The following CNTN3 variants were observed in gnomAD, a reference collection of about 807,000 sequenced individuals.
CNTN3 encodes the protein contactin-3.
Under a neutral mutation model 119.1 loss-of-function variants are expected in CNTN3, and 60 were observed. The observed-to-expected ratio is 0.50, with a 90% CI of 0.41 to 0.62. CNTN3 has a LOEUF of 0.62. Ranked by LOEUF, CNTN3 falls within the 20% of genes least tolerant of loss-of-function variation. The probability of loss-of-function intolerance (pLI) is 0.00; values close to 1 mark genes in which losing one functional copy is unlikely to be tolerated. For missense variants in CNTN3, 1,101 were observed against 1,242.4 expected, an observed-to-expected ratio of 0.89 and a Z score of 1.71; for synonymous variants, 450 against 438.7, an observed-to-expected ratio of 1.03 and a Z score of -0.32.
At chr3:74,557,443 C>T (rs989274861) in intron 1 of CNTN3, among the ~76,000 whole-genome samples, 2 of 152,070 alleles carry the variant, frequency 1.3e-5, no homozygotes, top group African/African-American at 4.8e-5. Context: ...AGGCATCATC[C>T]TCCAGGACAT....
intron 4 of CNTN3, among the ~76,000 whole-genome samples, chr3:74,437,055 A>C (rs771878158): frequency 2.0e-5 from 3 of 152,254 alleles, no homozygotes; most frequent in Non-Finnish European, 4.4e-5. Flanking sequence ...ACAATTTTTC[A>C]TATAACAGAG....
At chr3:74,453,961 G>A (rs1174381028) in intron 4 of CNTN3, among the ~76,000 whole-genome samples, 1 of 151,678 alleles carries the variant, frequency 6.6e-6, no homozygotes, top group East Asian at 1.9e-4. Flanking sequence ...TAGGTGTGGT[G>A]TGGTGCTGAA....
chr3:74,514,013 A>G (rs1703411711), intron 2 of CNTN3, among the ~76,000 whole-genome samples: 1 of 151,582 alleles, frequency 6.6e-6, no homozygotes, highest in Admixed American at 6.6e-5. Flanking sequence ...CCTTCTTTTC[A>G]AGTGATAAAT....
At chr3:74,586,087 C>T (rs1704588132) in intron 1 of CNTN3, among the ~76,000 whole-genome samples, 1 of 152,060 alleles carries the variant, frequency 6.6e-6, no homozygotes, top group South Asian at 2.1e-4. Flanking sequence ...TGCTAGGTGT[C>T]TTCAAACTCC....
At chr3:74,442,434 C>G (rs1701983530) in intron 4 of CNTN3, among the ~76,000 whole-genome samples, 1 of 152,122 alleles carries the variant, frequency 6.6e-6, no homozygotes, top group African/African-American at 2.4e-5. Context: ...AATTCTGTTT[C>G]ATGATGGTCT....
At chr3:74,308,505 A>C (rs1378807548) in intron 13 of CNTN3, among the ~76,000 whole-genome samples, 1 of 152,234 alleles carries the variant, frequency 6.6e-6, no homozygotes. Flanking sequence ...AAGATCACAA[A>C]AACTTGGTTG....
At chr3:74,499,819 TC>T in intron 2 of CNTN3, 34 bp from the exon 3 acceptor site, 1 of 1,566,076 alleles carries the variant, frequency 6.4e-7, no homozygotes, top group Non-Finnish European at 8.6e-7. Flanking sequence ...AAAATAATAA[TC>T]AGTAAAAGGC....
At chr3:74,456,483 A>T (rs1053218819) in intron 4 of CNTN3, among the ~76,000 whole-genome samples, 2 of 152,050 alleles carry the variant, frequency 1.3e-5, no homozygotes, top group Non-Finnish European at 2.9e-5. Flanking sequence ...ATGAAAAATG[A>T]TGTGTTTATT....
At chr3:74,523,471 G>C (rs1316118427) in intron 1 of CNTN3, among the ~76,000 whole-genome samples, 3 of 151,876 alleles carry the variant, frequency 2.0e-5, no homozygotes, top group Non-Finnish European at 4.4e-5. Context: ...CTAAAGTCTA[G>C]GGACAATGGG....
chr3:74,319,087 T>A (rs563853253), intron 13 of CNTN3, among the ~76,000 whole-genome samples: 1 of 152,318 alleles, frequency 6.6e-6, no homozygotes, highest in Admixed American at 6.5e-5. Context: ...ATGGCCATAC[T>A]GCCCAAGGTA....
In CNTN3 at chr3:74,409,513, GT is replaced by G. The variant is rs879680280; in HGVS notation, c.454+15331del. Among the ~76,000 whole-genome samples, 333 of 146,154 alleles carry G rather than the reference GT, an allele frequency of 2.3e-3. 1 individual carries two copies. Among genetic ancestry groups the G allele is most frequent in the East Asian group, 0.017 (84 of 5,020 alleles). ...CTCTCTTACATTTATTTTGTCTAAA[GT>G]TTTTTTTTTTTAACAGTACTATTAA... On this transcript the variant is annotated intron_variant, in intron 5 of 22. Transcript: ENST00000263665.
chr3:74,313,659 A>G (rs548709480), intron 13 of CNTN3, among the ~76,000 whole-genome samples: 23 of 152,274 alleles, frequency 1.5e-4, no homozygotes, highest in South Asian at 4.1e-4. Context: ...ACAGAAATTT[A>G]TACACCATTT....
At chr3:74,436,102 C>T (rs1181628726) in intron 4 of CNTN3, among the ~76,000 whole-genome samples, 5 of 152,158 alleles carry the variant, frequency 3.3e-5, no homozygotes, top group African/African-American at 9.7e-5. Context: ...GAAGTTTATG[C>T]CTAGGTTCAG....
intron 5 of CNTN3, among the ~76,000 whole-genome samples, chr3:74,381,163 C>A (rs762157188): frequency 6.6e-6 from 1 of 150,380 alleles, no homozygotes; most frequent in Non-Finnish European, 1.5e-5. Context: ...TCAAACTATT[C>A]ATCAGAGTTA....
intron 5 of CNTN3, among the ~76,000 whole-genome samples, chr3:74,381,102 G>A (rs1344274474): frequency 2.7e-4 from 35 of 129,852 alleles, no homozygotes; most frequent in Admixed American, 1.6e-3. Flanking sequence ...ACACACACAC[G>A]CACACATAAA....
At position 74,536,657 on chromosome 3, in the gene CNTN3, G is replaced by C. The variant is rs141410196; in HGVS notation, c.-80-15465C>G. Among the ~76,000 whole-genome samples the C allele has an allele frequency of 1.1e-3, 161 of 152,160 alleles. 1 individual carries two copies. The highest frequency in any genetic ancestry group is 1.3e-3 in the Non-Finnish European group (86 of 68,002). On this transcript the variant is annotated intron_variant, in intron 1 of 22. Transcript: ENST00000263665. ...CAATTTCTGGTTTGTTCAGAGCATGGACTCCACTTACTTCCTGCTTACTTA... is the reference window on the plus strand; with the variant it reads ...CAATTTCTGGTTTGTTCAGAGCATGCACTCCACTTACTTCCTGCTTACTTA...
chr3:74,532,619 G>A (rs1179612065), intron 1 of CNTN3, among the ~76,000 whole-genome samples: 1 of 152,062 alleles, frequency 6.6e-6, no homozygotes, highest in Middle Eastern at 3.4e-3. Flanking sequence ...CGTCCACAGC[G>A]TGGGTCCCCT....
At chr3:74,442,363 C>T (rs1701982261) in intron 4 of CNTN3, among the ~76,000 whole-genome samples, 1 of 152,010 alleles carries the variant, frequency 6.6e-6, no homozygotes, top group South Asian at 2.1e-4. Flanking sequence ...TGGCTGCTGC[C>T]GATAACACCC....
At chr3:74,429,404 C>T (rs1701747399) in intron 4 of CNTN3, among the ~76,000 whole-genome samples, 1 of 150,084 alleles carries the variant, frequency 6.7e-6, no homozygotes, top group Non-Finnish European at 1.5e-5. Context: ...ATGGGCTCAG[C>T]TGATTTTTGA....
Sources: allele counts gnomAD v4.1 joint callset (sites outside exome capture counted in the v4.1 genomes callset), GRCh38; gene constraint gnomAD v4.1.1; transcripts MANE v1.5; gene names NCBI Gene and HGNC (gene_info 2026-07-23, HGNC 2026-07-21).